Variants in SYT16 observed in about 807,000 individuals in gnomAD.
SYT16 encodes synaptotagmin-16.
SYT16 carries 42 observed loss-of-function variants against 61.4 expected under a neutral mutation model. The observed-to-expected ratio is 0.68, with a 90% CI of 0.53 to 0.89. The LOEUF (loss-of-function observed/expected upper bound fraction) is 0.89, where lower values mean the gene tolerates loss of function less well. Among genes scored for constraint, SYT16 ranks in the 40% least tolerant of loss-of-function variants. The probability of loss-of-function intolerance (pLI) is 0.00; values close to 1 mark genes in which losing one functional copy is unlikely to be tolerated. For synonymous variants in SYT16, 314 were observed against 302.3 expected (o/e 1.04, Z -0.40); for missense variants, 804 against 807.3 (o/e 1.00, Z 0.05).
At chr14:62,000,131 C>G (rs796474546) in intron 3 of SYT16, among the ~76,000 whole-genome samples, 87 of 19,340 alleles carry the variant, frequency 4.5e-3, no homozygotes, top group African/African-American at 0.02. Flanking sequence ...TTTTTTTTAG[C>G]GTACTGATTT....
At chr14:61,960,383 G>A (rs2051067986) in intron 1 of SYT16, among the ~76,000 whole-genome samples, 1 of 152,158 alleles carries the variant, frequency 6.6e-6, no homozygotes, top group African/African-American at 2.4e-5. Context: ...TCTTTGAGCA[G>A]TGTTTTGTAG....
At chr14:61,819,579 A>C (rs1241075695) in intron 1 of SYT16, among the ~76,000 whole-genome samples, 1 of 152,246 alleles carries the variant, frequency 6.6e-6, no homozygotes, top group Non-Finnish European at 1.5e-5. Context: ...ACAATGGAGC[A>C]AAGATTAAGA....
At chr14:61,936,819 G>A (rs753660086) in intron 1 of SYT16, among the ~76,000 whole-genome samples, 17 of 152,130 alleles carry the variant, frequency 1.1e-4, no homozygotes, top group Admixed American at 2.0e-4. Flanking sequence ...ATCACCCTCA[G>A]GCTGCTGGGC....
At chr14:61,868,400 C>T (rs570472588) in intron 1 of SYT16, among the ~76,000 whole-genome samples, 1 of 151,706 alleles carries the variant, frequency 6.6e-6, no homozygotes, top group Admixed American at 6.6e-5. Flanking sequence ...ATATTTTGCT[C>T]TTATTTGTCA....
intron 1 of SYT16, among the ~76,000 whole-genome samples, chr14:61,928,181 T>C (rs1025422161): frequency 6.6e-6 from 1 of 151,930 alleles, no homozygotes; most frequent in Admixed American, 6.6e-5. Context: ...TTATAGAAAA[T>C]GGAGGGGTTG....
intron 1 of SYT16, among the ~76,000 whole-genome samples, chr14:61,966,441 C>G (rs1379129098): frequency 6.6e-6 from 1 of 151,998 alleles, no homozygotes; most frequent in Non-Finnish European, 1.5e-5. Context: ...ACATTCTACT[C>G]TATGCATGAA....
intron 7 of SYT16, among the ~76,000 whole-genome samples, chr14:62,087,921 T>C (rs1303141736): frequency 6.6e-6 from 1 of 152,046 alleles, no homozygotes; most frequent in Non-Finnish European, 1.5e-5. Context: ...CTCTGCCGGC[T>C]CCAACCAGAG....
intron 1 of SYT16, among the ~76,000 whole-genome samples, chr14:61,908,352 A>T (rs1350375303): frequency 6.6e-6 from 1 of 152,226 alleles, no homozygotes; most frequent in African/African-American, 2.4e-5. Flanking sequence ...AGAAATACAT[A>T]TTCTCAGACT....
chr14:61,861,533 T>C (rs2046964419), intron 1 of SYT16, among the ~76,000 whole-genome samples: 1 of 152,132 alleles, frequency 6.6e-6, no homozygotes, highest in South Asian at 2.1e-4. Context: ...GCCCCCCACG[T>C]AGCTGGGACC....
At chr14:61,832,146 G>T (rs989616275) in intron 1 of SYT16, 19 of 703,240 alleles carry the variant, frequency 2.7e-5, no homozygotes, top group Non-Finnish European at 5.1e-5. Context: ...TTTCCCATCC[G>T]TGGAGCGGTT....
intron 1 of SYT16, chr14:61,864,970 G>C: frequency 7.3e-7 from 1 of 1,361,718 alleles, no homozygotes; most frequent in Non-Finnish European, 1.0e-6. Context: ...AAATTGCTGC[G>C]AGTCTGGGCC....
intron 3 of SYT16, among the ~76,000 whole-genome samples, chr14:62,043,678 A>T (rs1379239732): frequency 5.3e-5 from 8 of 152,124 alleles, no homozygotes; most frequent in Non-Finnish European, 1.0e-4. Context: ...AAGTGCTGGG[A>T]TTACAGGCAT....
chr14:62,082,087 G>A (rs979486241), intron 6 of SYT16, among the ~76,000 whole-genome samples: 5 of 152,162 alleles, frequency 3.3e-5, no homozygotes, highest in African/African-American at 9.7e-5. Flanking sequence ...GTTTCTTTGA[G>A]GTGGTGATAA....
chr14:62,058,538 A>AT (rs1353057454), intron 3 of SYT16, among the ~76,000 whole-genome samples: 2 of 151,188 alleles, frequency 1.3e-5, no homozygotes, highest in Admixed American at 1.3e-4. Context: ...TAATTTTTGT[A>AT]TTTTTTAGTA....
chr14:61,920,223 A>G (rs1169924579), intron 1 of SYT16, among the ~76,000 whole-genome samples: 1 of 151,988 alleles, frequency 6.6e-6, no homozygotes, highest in Non-Finnish European at 1.5e-5. Flanking sequence ...CTTGACCTGA[A>G]TTCTAAGTGT....
chr14:62,056,889 C>T (rs549584005), intron 3 of SYT16, among the ~76,000 whole-genome samples: 23 of 152,290 alleles, frequency 1.5e-4, no homozygotes, highest in East Asian at 1.2e-3. Context: ...TCTGGACGAG[C>T]GCGGCGCCCA....
intron 1 of SYT16, among the ~76,000 whole-genome samples, chr14:61,843,689 A>T (rs2046362918): frequency 6.6e-6 from 1 of 152,076 alleles, no homozygotes; most frequent in Non-Finnish European, 1.5e-5. Flanking sequence ...TGCTCTTGGC[A>T]CCTTTGTCCA....
intron 1 of SYT16, among the ~76,000 whole-genome samples, chr14:61,906,511 C>CT (rs1311083990): frequency 3.3e-5 from 5 of 152,078 alleles, no homozygotes; most frequent in African/African-American, 9.7e-5. Context: ...CGCTCTTCGG[C>CT]TTTTTTTAGT....
intron 3 of SYT16, among the ~76,000 whole-genome samples, chr14:62,030,539 G>A (rs2054274966): frequency 6.6e-6 from 1 of 152,202 alleles, no homozygotes; most frequent in Non-Finnish European, 1.5e-5. Context: ...CTAGATTTGT[G>A]CTATACATTT....
Sources: allele counts gnomAD v4.1 joint callset (sites outside exome capture counted in the v4.1 genomes callset), GRCh38; gene constraint gnomAD v4.1.1; transcripts MANE v1.5; gene names NCBI Gene and HGNC (gene_info 2026-07-23, HGNC 2026-07-21).